ATP10D: variants seen among roughly 807,000 people sequenced by gnomAD.
ATP10D encodes the protein phospholipid-transporting ATPase VD.
In ATP10D, 89 loss-of-function variants were observed where a neutral mutation model predicts 144.8. The ratio of observed to expected loss-of-function variants is 0.61; its 90% CI spans 0.52 to 0.73. The LOEUF (loss-of-function observed/expected upper bound fraction) is 0.73. ATP10D is among the 30% of genes least tolerant of loss of function. The pLI is 0.00. For synonymous variants in ATP10D, 571 were observed against 615.1 expected (o/e 0.93, Z 1.06); for missense variants, 1,603 against 1,714.8 (o/e 0.93, Z 1.15).
At chr4:47,516,142 A>G (rs1410822092) in intron 3 of ATP10D, among the ~76,000 whole-genome samples, 8 of 152,064 alleles carry the variant, frequency 5.3e-5, no homozygotes, top group Non-Finnish European at 1.2e-4. Context: ...AGGCAGGAGA[A>G]TCGCTTGAAC....
At chr4:47,562,208 A>C (rs1353054250) in intron 14 of ATP10D, among the ~76,000 whole-genome samples, 20 of 152,216 alleles carry the variant, frequency 1.3e-4, no homozygotes, top group Admixed American at 1.3e-3. Context: ...ATTATAGAAT[A>C]TGGTATATGC....
chr4:47,577,116 G>A, intron 19 of ATP10D, 143 bp downstream of exon 19: 8 of 733,772 alleles, frequency 1.1e-5, no homozygotes, highest in Non-Finnish European at 1.6e-5. Flanking sequence ...TTATGTGGCA[G>A]ATATTCACTT....
At chr4:47,533,481 A>G (rs1010958058) in intron 5 of ATP10D, among the ~76,000 whole-genome samples, 3 of 152,178 alleles carry the variant, frequency 2.0e-5, no homozygotes, top group Admixed American at 6.6e-5. Flanking sequence ...ACCTTATTTG[A>G]ATAATTTTTA....
intron 5 of ATP10D, among the ~76,000 whole-genome samples, chr4:47,529,398 C>T (rs1310583083): frequency 6.6e-6 from 1 of 152,124 alleles, no homozygotes; most frequent in East Asian, 1.9e-4. Flanking sequence ...AGTAGGGTGT[C>T]CTTTCCCCAT....
intron 15 of ATP10D, among the ~76,000 whole-genome samples, chr4:47,565,887 T>C (rs1278623035): frequency 6.6e-6 from 1 of 152,356 alleles, no homozygotes; most frequent in Non-Finnish European, 1.5e-5. Flanking sequence ...TTTTTTGCTA[T>C]CGATAGCTAT....
chr4:47,523,317 TCA>T (rs1353905947), intron 4 of ATP10D, 101 bp downstream of exon 4: 1 of 973,464 alleles, frequency 1.0e-6, no homozygotes, highest in African/African-American at 1.6e-5. Context: ...TAATTCATTT[TCA>T]CCAGGATGAA....
intron 1 of ATP10D, among the ~76,000 whole-genome samples, chr4:47,502,287 C>T (rs1715727343): frequency 6.6e-6 from 1 of 152,012 alleles, no homozygotes; most frequent in South Asian, 2.1e-4. Context: ...CTGGCTAACA[C>T]GGTGAAACCC....
intron 4 of ATP10D, among the ~76,000 whole-genome samples, chr4:47,523,918 A>T (rs1717101233): frequency 1.3e-5 from 2 of 152,000 alleles, no homozygotes; most frequent in African/African-American, 4.8e-5. Flanking sequence ...TTTACAATTT[A>T]ATGATTTTTG....
At chr4:47,520,553 T>G (rs1375030329) in intron 3 of ATP10D, among the ~76,000 whole-genome samples, 1 of 152,032 alleles carries the variant, frequency 6.6e-6, no homozygotes, top group Non-Finnish European at 1.5e-5. Flanking sequence ...TCTACTTCGG[T>G]AACTTCTTTT....
chr4:47,512,653 G>T lies in ATP10D; in HGVS notation c.113G>T (p.Arg38Leu), dbSNP rs760805456. 3 of 1,613,946 alleles carry T rather than the reference G, an allele frequency of 1.9e-6. No individual in the cohort carries two copies. Among genetic ancestry groups the T allele is most frequent in the Non-Finnish European group, 2.5e-6 (3 of 1,180,006 alleles). ...TATTCCTCGTTGCTCGCCTGTGGGC[G>T]CAAGTCCTCTCAGACCCCTAAACTG... ...YNYSSLLACG[R>L]KSSQTPKLSG... is the part of the protein sequence containing the mutation. Residue 38 changes from arginine to leucine, a missense_variant, in exon 2 of 23, where the codon CGC (arginine) becomes CTC (leucine). Transcript: ENST00000273859.
In ATP10D at chr4:47,546,683, G is replaced by A. The variant is rs1718450172; in HGVS notation, c.1456G>A (p.Val486Ile). ...TGAAGATGAAGATTTTATAGACACA[G>A]TCAGTGGTTCCCTCAGCAATATGGC... ...VSEDEDFIDT[V>I]SGSLSNMAKP... Residue 486 changes from valine to isoleucine, a missense_variant, in exon 10 of 23, where the codon GTC becomes ATC. Coordinates refer to ENST00000273859, the MANE Select transcript of ATP10D (RefSeq NM_020453.4). 3.1e-6 allele frequency: 5 copies of A among 1,613,992 alleles called. No homozygotes were observed. The East Asian group carries it at 8.9e-5, about 29-fold the overall frequency.
chr4:47,573,033 C>T, intron 18 of ATP10D, 36 bp downstream of exon 18: 8 of 1,607,456 alleles, frequency 5.0e-6, no homozygotes, highest in Non-Finnish European at 5.1e-6. Flanking sequence ...CTTTTCCCTT[C>T]GTACCTTCCA....
intron 1 of ATP10D, among the ~76,000 whole-genome samples, chr4:47,498,127 A>C (rs1366599656): frequency 6.6e-6 from 1 of 152,162 alleles, no homozygotes; most frequent in Non-Finnish European, 1.5e-5. Flanking sequence ...GGGTCATAAG[A>C]AGTCCCACTA....
At chr4:47,549,415 CCCCAG>C (rs1718610651) in intron 10 of ATP10D, among the ~76,000 whole-genome samples, 2 of 152,176 alleles carry the variant, frequency 1.3e-5, no homozygotes, top group South Asian at 4.1e-4. Context: ...CTATTGTCTC[CCCCAG>C]GTAGAATGTG....
At chr4:47,555,030 TA>T in intron 11 of ATP10D, 116 bp downstream of exon 11, 1 of 905,366 alleles carries the variant, frequency 1.1e-6, no homozygotes, top group Non-Finnish European at 1.7e-6. Context: ...AGTAGCTGTA[TA>T]ACACTGATTC....
chr4:47,521,821 T>C (rs1224443503), intron 3 of ATP10D, among the ~76,000 whole-genome samples: 1 of 152,256 alleles, frequency 6.6e-6, no homozygotes, highest in Non-Finnish European at 1.5e-5. Context: ...TTTGCCTTTC[T>C]CCATGGACCA....
chr4:47,509,077 GA>G (rs1716174871), intron 1 of ATP10D, among the ~76,000 whole-genome samples: 2 of 152,188 alleles, frequency 1.3e-5, no homozygotes, highest in Admixed American at 1.3e-4. Context: ...GGAAGTGACA[GA>G]GAAAGAGTGA....
intron 9 of ATP10D, among the ~76,000 whole-genome samples, chr4:47,538,015 C>T (rs1717938019): frequency 6.6e-6 from 1 of 152,028 alleles, no homozygotes; most frequent in African/African-American, 2.4e-5. Flanking sequence ...ACACATTTTC[C>T]TCTAAAATAT....
At chr4:47,561,561 A>T (rs1259331641) in intron 14 of ATP10D, among the ~76,000 whole-genome samples, 1 of 152,090 alleles carries the variant, frequency 6.6e-6, no homozygotes, top group Non-Finnish European at 1.5e-5. Context: ...CCAAACATGG[A>T]GCTCATGTTT....
Sources: gnomAD v4.1 joint callset for allele counts (sites outside exome capture counted in the v4.1 genomes callset) on GRCh38, gnomAD v4.1.1 for gene constraint, MANE v1.5 for transcripts, NCBI Gene and HGNC (gene_info 2026-07-23, HGNC 2026-07-21) for gene names.